Variants in KLF12 observed in about 807,000 individuals in gnomAD.
KLF12 encodes Krueppel-like factor 12.
In KLF12, 9 loss-of-function variants were observed where a neutral mutation model predicts 37.8. That is an observed-to-expected ratio of 0.24 (90% CI 0.14 to 0.42). KLF12 has a LOEUF of 0.42. KLF12 is among the 10% of genes least tolerant of loss of function. The pLI, the probability that KLF12 is intolerant of heterozygous loss-of-function variation, is 1.00. For synonymous variants in KLF12, 208 were observed against 202.1 expected (o/e 1.03, Z -0.25); for missense variants, 411 against 516.0 (o/e 0.80, Z 1.97).
chr13:73,904,383 T>C (rs73523219), intron 3 of KLF12, among the ~76,000 whole-genome samples: 7,088 of 152,038 alleles, frequency 0.047, 382 homozygotes, highest in African/African-American at 0.13. Context: ...GCAATTTTCA[T>C]TGGAGAAGAG....
At chr13:73,769,327 A>T (rs943176103) in intron 5 of KLF12, among the ~76,000 whole-genome samples, 1 of 152,196 alleles carries the variant, frequency 6.6e-6, no homozygotes, top group Non-Finnish European at 1.5e-5. Flanking sequence ...CATGTTTTCA[A>T]ATCTAATGGT....
At chr13:73,743,664 T>C (rs778330561) in intron 6 of KLF12, among the ~76,000 whole-genome samples, 4 of 152,322 alleles carry the variant, frequency 2.6e-5, no homozygotes, top group Admixed American at 6.5e-5. Context: ...TATTACATTA[T>C]ATGTGTGGGT....
At chr13:74,112,609 G>T (rs1303437968) in intron 1 of KLF12, among the ~76,000 whole-genome samples, 1 of 151,980 alleles carries the variant, frequency 6.6e-6, no homozygotes, top group Admixed American at 6.6e-5. Flanking sequence ...CTGGCTTCGG[G>T]GCAACACAAA....
At chr13:73,978,992 T>G (rs1891616704) in intron 2 of KLF12, among the ~76,000 whole-genome samples, 1 of 152,096 alleles carries the variant, frequency 6.6e-6, no homozygotes, top group Non-Finnish European at 1.5e-5. Flanking sequence ...AAACAATCAG[T>G]GGTTGCCAAG....
chr13:73,845,530 T>G (rs551508002), intron 4 of KLF12, among the ~76,000 whole-genome samples: 1 of 152,352 alleles, frequency 6.6e-6, no homozygotes, highest in East Asian at 1.9e-4. Context: ...AACTGAGGAC[T>G]TAAGAGCATT....
At chr13:73,742,167 A>G (rs1160312244) in intron 6 of KLF12, among the ~76,000 whole-genome samples, 1 of 152,202 alleles carries the variant, frequency 6.6e-6, no homozygotes, top group Non-Finnish European at 1.5e-5. Flanking sequence ...AAAAAAATAA[A>G]AGCAAAGGGC....
intron 1 of KLF12, among the ~76,000 whole-genome samples, chr13:74,024,937 T>A (rs1892936784): frequency 6.6e-6 from 1 of 152,210 alleles, no homozygotes. Flanking sequence ...TTTTCCTAAC[T>A]ATGTTAAGTT....
chr13:73,771,585 C>A (rs1880276476), intron 5 of KLF12, among the ~76,000 whole-genome samples: 3 of 152,212 alleles, frequency 2.0e-5, no homozygotes, highest in African/African-American at 7.2e-5. Flanking sequence ...GCACCTAAAG[C>A]ATCAGTAATT....
At chr13:73,865,038 T>C (rs1886103481) in intron 3 of KLF12, among the ~76,000 whole-genome samples, 1 of 151,778 alleles carries the variant, frequency 6.6e-6, no homozygotes, top group Non-Finnish European at 1.5e-5. Flanking sequence ...AAACAACAAA[T>C]AAAAAATCAA....
chr13:74,016,656 C>T (rs1471760268), intron 1 of KLF12, among the ~76,000 whole-genome samples: 1 of 152,198 alleles, frequency 6.6e-6, no homozygotes, highest in Non-Finnish European at 1.5e-5. Context: ...AGCCACCATG[C>T]CCTGCCTCTC....
chr13:74,132,707 G>A (rs968033438), intron 1 of KLF12, among the ~76,000 whole-genome samples: 3 of 152,172 alleles, frequency 2.0e-5, no homozygotes, highest in Non-Finnish European at 4.4e-5. Flanking sequence ...CGAAGCGCAG[G>A]GTGAAGGGGG....
chr13:74,045,040 A>G (rs77960612), intron 1 of KLF12, among the ~76,000 whole-genome samples: 1,608 of 152,274 alleles, frequency 0.011, 25 homozygotes, highest in East Asian at 0.056. Context: ...TAAGCAGAAT[A>G]ATTCCAAATA....
In KLF12 at chr13:73,935,241, G is replaced by A. The variant is rs144312546; in HGVS notation, c.123+8740C>T. On this transcript the variant is annotated intron_variant, in intron 3 of 7. Coordinates refer to ENST00000377669, the MANE Select transcript of KLF12 (RefSeq NM_007249.5). ...TGACCTCAAGTGACCCACATACCTC[G>A]GCCTCCCAAAGTGCTGGGATTACAG... is the stretch of plus-strand genomic sequence containing the variant. Among the ~76,000 whole-genome samples, 1,048 of 152,020 alleles carry A rather than the reference G, an allele frequency of 6.9e-3. 21 individuals carry two copies. Among genetic ancestry groups the A allele is most frequent in the African/African-American group, 0.023 (956 of 41,472 alleles).
At chr13:74,114,493 C>CT (rs1462084336) in intron 1 of KLF12, among the ~76,000 whole-genome samples, 1 of 152,092 alleles carries the variant, frequency 6.6e-6, no homozygotes, top group African/African-American at 2.4e-5. Flanking sequence ...TACAGTATCT[C>CT]TGAGGTATGC....
At chr13:74,024,228 C>A (rs552467711) in intron 1 of KLF12, among the ~76,000 whole-genome samples, 17 of 152,276 alleles carry the variant, frequency 1.1e-4, no homozygotes, top group Admixed American at 7.2e-4. Flanking sequence ...ATTAACCACA[C>A]CTCACAGACA....
At chr13:74,052,302 T>C (rs1410307711) in intron 1 of KLF12, among the ~76,000 whole-genome samples, 1 of 151,492 alleles carries the variant, frequency 6.6e-6, no homozygotes, top group Admixed American at 6.6e-5. Context: ...CCAAAAAAAC[T>C]GGGCCACAGA....
At chr13:74,260,624 A>G in the KLF12 span, among the ~76,000 whole-genome samples, 5 of 117,608 alleles carry the variant, frequency 4.3e-5, no homozygotes, top group African/African-American at 2.6e-4. Context: ...AAAATAAAAT[A>G]AAATAGTGAA....
the KLF12 span, among the ~76,000 whole-genome samples, chr13:74,182,488 T>G: frequency 2.0e-5 from 3 of 152,212 alleles, no homozygotes; most frequent in Non-Finnish European, 4.4e-5. Flanking sequence ...CATTGTATAC[T>G]AGGGGAGGTC....
chr13:73,944,513 A>G (rs141883040), intron 2 of KLF12, among the ~76,000 whole-genome samples: 340 of 152,358 alleles, frequency 2.2e-3, no homozygotes, highest in African/African-American at 7.5e-3. Context: ...CAAAGCCTAA[A>G]TCATTTAAAA....
Sources: gnomAD v4.1 joint callset for allele counts (sites outside exome capture counted in the v4.1 genomes callset) on GRCh38, gnomAD v4.1.1 for gene constraint, MANE v1.5 for transcripts, NCBI Gene and HGNC (gene_info 2026-07-23, HGNC 2026-07-21) for gene names.